Variants in RARB observed in about 807,000 individuals in gnomAD.
RARB encodes retinoic acid receptor beta.
A neutral mutation model predicts 51.9 loss-of-function variants in RARB; 17 were observed. That is an observed-to-expected ratio of 0.33 (90% CI 0.22 to 0.49). RARB has a LOEUF of 0.49. RARB is among the 20% of genes least tolerant of loss of function. RARB has a pLI of 0.99. For synonymous variants in RARB, 215 were observed against 195.4 expected (o/e 1.10, Z -0.84); for missense variants, 369 against 550.8 (o/e 0.67, Z 3.30).
intron 5 of RARB, among the ~76,000 whole-genome samples, chr3:25,391,048 C>G (rs780062496): frequency 2.0e-5 from 3 of 152,124 alleles, no homozygotes; most frequent in Non-Finnish European, 4.4e-5. Flanking sequence ...CCCTCACACG[C>G]CCCAACCTTT....
rs149844228 is a variant in RARB, at chr3:25,036,167, G to A, written c.-379-23958G>A. ...AACACTTGAAATCCCCAGCCAGGGG[G>A]ACAAAAATAAGGGAACGAATACCAA... On this transcript the variant is annotated intron_variant, in intron 2 of 11. Coordinates refer to the RARB transcript ENST00000383772. 4.5e-4 allele frequency among the ~76,000 whole-genome samples: 68 copies of A among 152,214 alleles called. 1 individual carries two copies. The highest frequency in any genetic ancestry group is 1.4e-3 in the African/African-American group (59 of 41,528).
intron 4 of RARB, among the ~76,000 whole-genome samples, chr3:25,163,071 C>T (rs1400029550): frequency 6.6e-6 from 1 of 152,190 alleles, no homozygotes; most frequent in South Asian, 2.1e-4. Flanking sequence ...TCTGCATATC[C>T]TTCCATTGCA....
At chr3:24,873,160 C>T (rs1294655813) in intron 2 of RARB, among the ~76,000 whole-genome samples, 1 of 152,202 alleles carries the variant, frequency 6.6e-6, no homozygotes, top group East Asian at 1.9e-4. Flanking sequence ...TAATTGAAAC[C>T]TGTTCTACAT....
intron 3 of RARB, among the ~76,000 whole-genome samples, chr3:25,090,786 T>C (rs896239250): frequency 6.6e-6 from 1 of 152,124 alleles, no homozygotes; most frequent in African/African-American, 2.4e-5. Flanking sequence ...AAACAGCCAA[T>C]ATACACTTAG....
intron 2 of RARB, among the ~76,000 whole-genome samples, chr3:24,933,188 C>T (rs553024564): frequency 1.1e-3 from 160 of 152,098 alleles, no homozygotes; most frequent in African/African-American, 3.6e-3. Context: ...CCTATAAAAA[C>T]ATTCTTTCAA....
At chr3:25,199,851 G>C (rs984157596) in intron 5 of RARB, among the ~76,000 whole-genome samples, 4 of 152,126 alleles carry the variant, frequency 2.6e-5, no homozygotes, top group Non-Finnish European at 5.9e-5. Flanking sequence ...ATCATTGTTG[G>C]ACATTCAGGT....
At chr3:25,117,909 G>C (rs1189972588) in intron 3 of RARB, among the ~76,000 whole-genome samples, 2 of 152,180 alleles carry the variant, frequency 1.3e-5, no homozygotes, top group African/African-American at 4.8e-5. Flanking sequence ...ACAGATGAAG[G>C]AAAGAGAAAG....
At chr3:25,339,198 C>T (rs1157033488) in intron 5 of RARB, among the ~76,000 whole-genome samples, 1 of 152,226 alleles carries the variant, frequency 6.6e-6, no homozygotes, top group Admixed American at 6.5e-5. Flanking sequence ...AAACAAACCT[C>T]ACTTGCTAAA....
chr3:24,915,297 G>C (rs1484005974), intron 2 of RARB, among the ~76,000 whole-genome samples: 1 of 152,074 alleles, frequency 6.6e-6, no homozygotes, highest in Non-Finnish European at 1.5e-5. Flanking sequence ...TACAGACCTA[G>C]GTAAAACTAA....
intron 5 of RARB, among the ~76,000 whole-genome samples, chr3:25,196,902 CT>C (rs769993192): frequency 2.6e-5 from 4 of 152,068 alleles, no homozygotes; most frequent in South Asian, 2.1e-4. Context: ...CCTTCGCCCA[CT>C]TTTTGATGGG....
At chr3:25,066,632 C>CA (rs1698668665) in intron 3 of RARB, among the ~76,000 whole-genome samples, 1 of 150,920 alleles carries the variant, frequency 6.6e-6, no homozygotes, top group South Asian at 2.1e-4. Context: ...CACACACACA[C>CA]CTTTCTCTCT....
At chr3:25,413,004 A>C (rs1453102086) in intron 5 of RARB, among the ~76,000 whole-genome samples, 1 of 151,878 alleles carries the variant, frequency 6.6e-6, no homozygotes, top group Non-Finnish European at 1.5e-5. Flanking sequence ...GGGCAACAAG[A>C]GCAAAATTCC....
At chr3:25,006,168 TACTC>T (rs1321459910) in intron 2 of RARB, among the ~76,000 whole-genome samples, 6 of 152,146 alleles carry the variant, frequency 3.9e-5, no homozygotes, top group Non-Finnish European at 8.8e-5. Context: ...CCCTCCAGCT[TACTC>T]TCTCTCCCTT....
chr3:24,897,236 T>G lies in RARB; in HGVS notation c.-380+38484T>G, dbSNP rs1703496042. 2.0e-5 allele frequency among the ~76,000 whole-genome samples: 3 copies of G among 152,166 alleles called. No homozygotes were observed. The South Asian group carries it at 6.2e-4, about 31-fold the overall frequency. On this transcript the variant is annotated intron_variant, in intron 2 of 11. Coordinates refer to the RARB transcript ENST00000383772. ...CTTAGGCGTAGCTGTTTAACTCAAT[T>G]AAATGTGACCAAAATGAACTTTGCC...
intron 2 of RARB, among the ~76,000 whole-genome samples, chr3:24,876,895 C>G (rs1166367483): frequency 6.6e-6 from 1 of 152,080 alleles, no homozygotes; most frequent in Non-Finnish European, 1.5e-5. Context: ...TAAACATACT[C>G]AGAAGCAAAA....
intron 5 of RARB, among the ~76,000 whole-genome samples, chr3:25,213,140 A>C (rs947501348): frequency 2.6e-5 from 4 of 152,162 alleles, no homozygotes; most frequent in Non-Finnish European, 5.9e-5. Flanking sequence ...AATATAGTTG[A>C]AAGAATTCAC....
chr3:24,888,659 A>G (rs1703312605), intron 2 of RARB, among the ~76,000 whole-genome samples: 1 of 152,168 alleles, frequency 6.6e-6, no homozygotes, highest in Non-Finnish European at 1.5e-5. Flanking sequence ...TGTCCCTAGC[A>G]TAATGTTAGC....
At chr3:25,010,438 AGT>A (rs1364167795) in intron 2 of RARB, among the ~76,000 whole-genome samples, 3 of 152,162 alleles carry the variant, frequency 2.0e-5, no homozygotes, top group Non-Finnish European at 1.5e-5. Context: ...TGTAACAAAA[AGT>A]GTGATATTTT....
At chr3:25,501,112 AG>A in intron 2 of RARB, 69 bp from the exon 3 acceptor site, 1 of 1,499,894 alleles carries the variant, frequency 6.7e-7, no homozygotes, top group Non-Finnish European at 8.9e-7. Context: ...TGCATTGATA[AG>A]GTTGGCTTTG....
Sources: allele counts gnomAD v4.1 joint callset (sites outside exome capture counted in the v4.1 genomes callset), GRCh38; gene constraint gnomAD v4.1.1; transcripts MANE v1.5; gene names NCBI Gene and HGNC (gene_info 2026-07-23, HGNC 2026-07-21).